Variants in ELMO1 observed in about 807,000 individuals in gnomAD.
ELMO1 encodes engulfment and cell motility 1, also known as engulfment and cell motility protein 1.
Under a neutral mutation model 98.9 loss-of-function variants are expected in ELMO1, and 26 were observed. The ratio of observed to expected loss-of-function variants is 0.26; its 90% CI spans 0.19 to 0.36. The LOEUF (loss-of-function observed/expected upper bound fraction) is 0.36. ELMO1 is among the 10% of genes least tolerant of loss of function. The pLI, the probability that ELMO1 is intolerant of heterozygous loss-of-function variation, is 1.00. For missense variants in ELMO1, 627 were observed against 935.2 expected (o/e 0.67, Z 4.30); for synonymous variants, 346 against 346.0 (o/e 1.00, Z 0.00).
At chr7:37,368,903 C>T (rs1357069629) in intron 1 of ELMO1, among the ~76,000 whole-genome samples, 1 of 152,186 alleles carries the variant, frequency 6.6e-6, no homozygotes, top group African/African-American at 2.4e-5. Flanking sequence ...GCATTGTGCA[C>T]ATTAAATACA....
intron 13 of ELMO1, among the ~76,000 whole-genome samples, chr7:37,159,589 A>AGGCAGTCC (rs1789054026): frequency 1.3e-5 from 2 of 152,160 alleles, no homozygotes; most frequent in Non-Finnish European, 2.9e-5. Context: ...AGTCCCAGCT[A>AGGCAGTCC]CTGGGGAGGC....
At chr7:37,256,520 GAGGA>G (rs1249886100) in intron 6 of ELMO1, among the ~76,000 whole-genome samples, 9 of 143,036 alleles carry the variant, frequency 6.3e-5, no homozygotes, top group East Asian at 2.1e-4. Context: ...GGAGGAGAAG[GAGGA>G]AGGAAGGAAG....
rs757005487 is a variant in ELMO1, at chr7:37,211,339, C to A, written c.1086+47G>T. 10 of 1,612,792 alleles carry A rather than the reference C, an allele frequency of 6.2e-6. No homozygotes were observed. The East Asian group carries it at 2.0e-4, about 32-fold the overall frequency. On this transcript the variant is annotated intron_variant, in intron 13 of 21. Coordinates refer to ENST00000310758, the MANE Select transcript of ELMO1 (RefSeq NM_014800.11). Reference sequence around the variant, plus strand: ...CATCAGTTATGTGGCTGAGGTCAGGCCCGGGGAGGCTGGAGGGAGAGCGCA... The same window carrying A: ...CATCAGTTATGTGGCTGAGGTCAGGACCGGGGAGGCTGGAGGGAGAGCGCA...
intron 13 of ELMO1, among the ~76,000 whole-genome samples, chr7:37,201,846 C>G (rs1792316484): frequency 6.6e-6 from 1 of 152,200 alleles, no homozygotes; most frequent in African/African-American, 2.4e-5. Flanking sequence ...GTTATTAGAA[C>G]TGAGGTCTGC....
Position 37,313,462 on chromosome 7 carries a change from T to G in ELMO1, c.192+1388A>C, listed in dbSNP as rs144931112. 7.4e-3 allele frequency among the ~76,000 whole-genome samples: 1,133 copies of G among 152,252 alleles called. 27 individuals carry two copies. The East Asian group carries it at 0.088, about 12-fold the overall frequency. ...CTGATCTCGAACTCCTGACCTCAAG[T>G]GATCTGCCGCCCTTGGCCTCCCAAA... is the stretch of plus-strand genomic sequence containing the variant. On this transcript the variant is annotated intron_variant, in intron 4 of 21. Transcript: ENST00000310758.
chr7:37,428,462 G>A (rs10234039), intron 1 of ELMO1, among the ~76,000 whole-genome samples: 5,816 of 152,258 alleles, frequency 0.038, 365 homozygotes, highest in African/African-American at 0.13. Flanking sequence ...TAACCAATGT[G>A]TATATGCCTG....
chr7:37,182,462 C>CTTTT (rs59657539), intron 13 of ELMO1, among the ~76,000 whole-genome samples: 1 of 14,702 alleles, frequency 6.8e-5, no homozygotes, highest in Non-Finnish European at 2.3e-4. Flanking sequence ...TTGTGCTCTA[C>CTTTT]TTTTTTTTTT....
intron 16 of ELMO1, among the ~76,000 whole-genome samples, chr7:36,999,698 C>A (rs1792497641): frequency 6.6e-6 from 1 of 152,106 alleles, no homozygotes; most frequent in Admixed American, 6.5e-5. Context: ...TTTGGTTGAG[C>A]CATTTGAAAT....
At chr7:37,067,912 T>C (rs892699631) in intron 15 of ELMO1, among the ~76,000 whole-genome samples, 1 of 152,206 alleles carries the variant, frequency 6.6e-6, no homozygotes, top group Admixed American at 6.5e-5. Flanking sequence ...AGGCGAGCTA[T>C]TCTCACTCAT....
At chr7:36,859,294 T>G (rs202059484) in intron 21 of ELMO1, among the ~76,000 whole-genome samples, 1 of 152,324 alleles carries the variant, frequency 6.6e-6, no homozygotes, top group East Asian at 1.9e-4. Context: ...ATTAATTTAT[T>G]TAAGTGTGAT....
At chr7:36,878,246 T>C in intron 18 of ELMO1, 129 bp from the exon 19 acceptor site, 1 of 683,770 alleles carries the variant, frequency 1.5e-6, no homozygotes, top group South Asian at 1.8e-5. Context: ...TGAGGAAGAA[T>C]GAATTCTAGG....
chr7:37,394,551 A>G (rs543521715), intron 1 of ELMO1, among the ~76,000 whole-genome samples: 1 of 152,330 alleles, frequency 6.6e-6, no homozygotes, highest in Admixed American at 6.5e-5. Flanking sequence ...TGGGGAACAG[A>G]AGGGAAGCAA....
At chr7:37,306,920 T>G (rs565775205) in intron 4 of ELMO1, among the ~76,000 whole-genome samples, 1 of 152,294 alleles carries the variant, frequency 6.6e-6, no homozygotes, top group East Asian at 1.9e-4. Context: ...GGTCAAATTA[T>G]AAACCTAGTG....
At chr7:36,948,435 T>G (rs1157041411) in intron 16 of ELMO1, among the ~76,000 whole-genome samples, 1 of 152,192 alleles carries the variant, frequency 6.6e-6, no homozygotes, top group Non-Finnish European at 1.5e-5. Context: ...CCTTTTATCC[T>G]TACAAAGGTT....
chr7:37,002,039 C>T (rs149228036), intron 16 of ELMO1: 236 of 152,298 alleles, frequency 1.5e-3, no homozygotes, highest in African/African-American at 5.4e-3. Context: ...ACAAACAACT[C>T]CAACAGGTAA....
chr7:37,036,529 C>A (rs141780270), intron 15 of ELMO1, among the ~76,000 whole-genome samples: 1 of 152,278 alleles, frequency 6.6e-6, no homozygotes, highest in African/African-American at 2.4e-5. Flanking sequence ...GCCACCACAT[C>A]ATCTAGTCAA....
chr7:36,876,458 T>C (rs932719195), intron 19 of ELMO1, among the ~76,000 whole-genome samples: 5 of 152,164 alleles, frequency 3.3e-5, no homozygotes, highest in Non-Finnish European at 7.3e-5. Flanking sequence ...TTAAACTTTT[T>C]GTTTTTTTAA....
chr7:36,921,134 C>G (rs1226028634), intron 16 of ELMO1, among the ~76,000 whole-genome samples: 1 of 152,146 alleles, frequency 6.6e-6, no homozygotes, highest in Non-Finnish European at 1.5e-5. Context: ...TTTGCTGGTG[C>G]CTTGATTTTG....
chr7:36,960,783 G>C (rs1189043828), intron 16 of ELMO1, among the ~76,000 whole-genome samples: 4 of 152,130 alleles, frequency 2.6e-5, no homozygotes, highest in Non-Finnish European at 5.9e-5. Context: ...CCTTGAATTA[G>C]ATAAGACTTT....
Sources: allele counts gnomAD v4.1 joint callset (sites outside exome capture counted in the v4.1 genomes callset), GRCh38; gene constraint gnomAD v4.1.1; transcripts MANE v1.5; gene names NCBI Gene and HGNC (gene_info 2026-07-23, HGNC 2026-07-21).